MDH2: variants seen among roughly 807,000 people sequenced by gnomAD.
MDH2 encodes the protein malate dehydrogenase 2, also known as malate dehydrogenase, mitochondrial.
MDH2 carries 25 observed loss-of-function variants against 33.6 expected under a neutral mutation model. The ratio of observed to expected loss-of-function variants is 0.74; its 90% CI spans 0.54 to 1.04. The LOEUF (loss-of-function observed/expected upper bound fraction) is 1.04. MDH2 is among the 50% of genes least tolerant of loss of function. MDH2 has a pLI of 0.00. For synonymous variants in MDH2, 193 were observed against 188.7 expected (o/e 1.02, Z -0.19); for missense variants, 432 against 445.0 (o/e 0.97, Z 0.26).
At chr7:76,055,737 CAA>C (rs572199771) in intron 2 of MDH2, among the ~76,000 whole-genome samples, 17 of 98,064 alleles carry the variant, frequency 1.7e-4, no homozygotes, top group African/African-American at 2.8e-4. Context: ...ACACTGTTTC[CAA>C]AAAAAAAAAA....
chr7:76,048,212 A>C lies in MDH2; in HGVS notation c.52A>C (p.Ser18Arg). ...CAGCGCTGCTCTCCGCCGCAGCTTC[A>C]GCACCTCGGCCCAGGTAGGCCAGAC... ...PASAALRRSF[S>R]TSAQNNAKVA... The change falls in exon 1 of 9, where the codon AGC becomes CGC. Residue 18 changes from serine to arginine, a missense_variant. Coordinates refer to ENST00000315758, the MANE Select transcript of MDH2 (RefSeq NM_005918.4). 1 of 1,535,754 alleles carries C rather than the reference A, an allele frequency of 6.5e-7. No homozygotes were observed. Among genetic ancestry groups the C allele is most frequent in the Non-Finnish European group, 8.7e-7 (1 of 1,146,662 alleles).
intron 8 of MDH2, among the ~76,000 whole-genome samples, chr7:76,065,578 G>A (rs1798073029): frequency 6.6e-6 from 1 of 152,170 alleles, no homozygotes; most frequent in African/African-American, 2.4e-5. Context: ...GTGAGAGACA[G>A]GCACTCGATG....
chr7:76,066,201 G>A (rs556953645), intron 8 of MDH2, 78 bp from the exon 9 acceptor site: 3 of 1,549,604 alleles, frequency 1.9e-6, no homozygotes, highest in African/African-American at 1.4e-5. Context: ...CGGCAGGGCT[G>A]ATGGAGCGAC....
Position 76,064,946 on chromosome 7 carries a change from T to C in MDH2, c.878T>C (p.Leu293Pro), listed in dbSNP as rs1000478881. Residue 293 changes from leucine to proline, a missense_variant, in exon 8 of 9, where the codon CTG becomes CCG. Transcript: ENST00000315758. ...TECTYFSTPL[L>P]LGKKGIEKNL... ...TGTACCTACTTCTCCACACCGCTGC[T>C]GCTTGGGGTACGTATCCAGGCGTGG... The C allele has an allele frequency of 6.2e-7, 1 of 1,614,162 alleles. No homozygotes were observed. The highest frequency in any genetic ancestry group is 8.5e-7 in the Non-Finnish European group (1 of 1,180,012).
Position 76,051,503 on chromosome 7 carries a change from T to G in MDH2, c.66+3277T>G, listed in dbSNP as rs538029003. On this transcript the variant is annotated intron_variant, in intron 1 of 8. Coordinates refer to ENST00000315758, the MANE Select transcript of MDH2 (RefSeq NM_005918.4). ...TGCCTGGCTAATTTTGTATTTTTAGTAGAGACAGGGTTTCTCCATGTTGGT... is the reference window on the plus strand; with the variant it reads ...TGCCTGGCTAATTTTGTATTTTTAGGAGAGACAGGGTTTCTCCATGTTGGT... Among the ~76,000 whole-genome samples the G allele has an allele frequency of 7.9e-5, 12 of 151,968 alleles. No individual in the cohort carries two copies. In the East Asian group the frequency reaches 2.3e-3, roughly 30 times the overall value.
intron 7 of MDH2, 105 bp from the exon 8 acceptor site, chr7:76,064,697 C>T: frequency 1.5e-6 from 2 of 1,299,386 alleles, no homozygotes; most frequent in Non-Finnish European, 1.0e-6. Flanking sequence ...TGAAATTCTC[C>T]ACTGTCAGGC....
intron 2 of MDH2, among the ~76,000 whole-genome samples, 160 bp downstream of exon 2, chr7:76,055,158 G>A (rs569165542): frequency 5.5e-4 from 84 of 152,282 alleles, no homozygotes; most frequent in Non-Finnish European, 8.1e-4. Context: ...TAGACTTGGC[G>A]TCTATAAAAA....
chr7:76,066,431 G>A lies in MDH2; in HGVS notation c.*21G>A. ...AGTGAGCCGCTGTGACGGGTGGCCA[G>A]TTTCCTTAATTTATGAAGGCATCAT... On this transcript the variant is annotated 3_prime_UTR_variant, in exon 9 of 9. Coordinates refer to ENST00000315758, the MANE Select transcript of MDH2 (RefSeq NM_005918.4). 6.3e-7 allele frequency: 1 copy of A among 1,593,396 alleles called. No individual in the cohort carries two copies.
At chr7:76,049,697 C>G (rs782618486) in intron 1 of MDH2, among the ~76,000 whole-genome samples, 1 of 152,124 alleles carries the variant, frequency 6.6e-6, no homozygotes, top group Non-Finnish European at 1.5e-5. Flanking sequence ...GAACAAAACA[C>G]AGAAGTCCCT....
At chr7:76,056,772 G>A (rs1326410424) in intron 2 of MDH2, among the ~76,000 whole-genome samples, 2 of 150,774 alleles carry the variant, frequency 1.3e-5, no homozygotes, top group Non-Finnish European at 3.0e-5. Flanking sequence ...CAGTACTTTG[G>A]GAGGCCAAGG....
At position 76,063,595 on chromosome 7, in the gene MDH2, A is replaced by G. The variant is rs782324103; in HGVS notation, c.633+3A>G. 6.8e-6 allele frequency: 11 copies of G among 1,613,662 alleles called. No homozygotes were observed. Among genetic ancestry groups the G allele is most frequent in the East Asian group, 2.2e-5 (1 of 44,892 alleles). On this transcript the variant is annotated splice_donor_region_variant and intron_variant, in intron 6 of 8. Coordinates refer to ENST00000315758, the MANE Select transcript of MDH2 (RefSeq NM_005918.4). ...CCATCATCCCCCTGATCTCTCAGGTACACGCATATGACCCTGTGAGGGGCT... is the reference window on the plus strand; with the variant it reads ...CCATCATCCCCCTGATCTCTCAGGTGCACGCATATGACCCTGTGAGGGGCT...
At chr7:76,055,729 A>C (rs1574107) in intron 2 of MDH2, among the ~76,000 whole-genome samples, 67,621 of 147,608 alleles carry the variant, frequency 0.46, 18,188 homozygotes, top group African/African-American at 0.75. Context: ...ATAGTGAGAC[A>C]CTGTTTCCAA....
At chr7:76,061,773 C>G (rs1270299000) in intron 5 of MDH2, among the ~76,000 whole-genome samples, 1 of 152,174 alleles carries the variant, frequency 6.6e-6, no homozygotes, top group Non-Finnish European at 1.5e-5. Flanking sequence ...AGGCGCAGCC[C>G]CTGGCGTCCT....
At position 76,060,485 on chromosome 7, in the gene MDH2, T is replaced by C. The variant is rs1297665259; in HGVS notation, c.542T>C (p.Val181Ala). The change falls in exon 5 of 9, where the codon GTT becomes GCT. Residue 181 changes from valine (V) to alanine (A), a missense_variant. Physicochemically the swap from Val to Ala is moderately conservative, Grantham distance 64 (BLOSUM62 0). Transcript: ENST00000315758. ...GACATCGTCAGAGCCAACACCTTTG[T>C]TGCAGAGCTGAAGGTAAGGGCGGCG... ...TLDIVRANTFVAELKGLDPAR... is the reference protein window; with the variant it reads ...TLDIVRANTFAAELKGLDPAR... The C allele has an allele frequency of 4.3e-6, 7 of 1,614,038 alleles. No individual in the cohort carries two copies. Among genetic ancestry groups the C allele is most frequent in the Non-Finnish European group, 5.9e-6 (7 of 1,180,026 alleles).
chr7:76,060,403 G>C lies in MDH2; in HGVS notation c.460G>C (p.Val154Leu), dbSNP rs202033419. 6.2e-7 allele frequency: 1 copy of C among 1,614,174 alleles called. No homozygotes were observed. The highest frequency in any genetic ancestry group is 1.3e-5 in the African/African-American group (1 of 75,048). ...TTCCACCATCCCCATCACAGCAGAA[G>C]TTTTCAAGAAGCATGGAGTGTACAA... ...VNSTIPITAE[V>L]FKKHGVYNPN... Residue 154 changes from valine (V) to leucine (L), a missense_variant, in exon 5 of 9, where the codon GTT becomes CTT. Coordinates refer to ENST00000315758, the MANE Select transcript of MDH2 (RefSeq NM_005918.4).
At chr7:76,048,412 C>A in intron 1 of MDH2, 186 bp downstream of exon 1, 1 of 1,147,978 alleles carries the variant, frequency 8.7e-7, no homozygotes, top group Non-Finnish European at 1.2e-6. Flanking sequence ...GGGAGAAAGC[C>A]GGGGAAAAGG....
intron 5 of MDH2, 75 bp downstream of exon 5, chr7:76,060,573 G>A: frequency 6.3e-7 from 1 of 1,577,120 alleles, no homozygotes; most frequent in East Asian, 2.2e-5. Flanking sequence ...TACGGGCGTG[G>A]AAGACATGAA....
At chr7:76,060,525 G>A in intron 5 of MDH2, 27 bp downstream of exon 5, 5 of 1,611,972 alleles carry the variant, frequency 3.1e-6, no homozygotes, top group Non-Finnish European at 4.2e-6. Context: ...TGTTGCTCAG[G>A]TGACCTTTCT....
At chr7:76,053,688 C>T (rs1040102688) in intron 1 of MDH2, among the ~76,000 whole-genome samples, 1 of 152,160 alleles carries the variant, frequency 6.6e-6, no homozygotes, top group Non-Finnish European at 1.5e-5. Context: ...TGACCACACA[C>T]GGTGCCGAGA....
Sources: allele counts gnomAD v4.1 joint callset (sites outside exome capture counted in the v4.1 genomes callset), GRCh38; gene constraint gnomAD v4.1.1; transcripts MANE v1.5; gene names NCBI Gene and HGNC (gene_info 2026-07-23, HGNC 2026-07-21).